BCO1: variants seen among roughly 807,000 people sequenced by gnomAD.
The protein encoded by BCO1 is beta-carotene oxygenase 1.
In BCO1, 54 loss-of-function variants were observed where a neutral mutation model predicts 56.3. The ratio of observed to expected loss-of-function variants is 0.96; its 90% CI spans 0.77 to 1.20. The LOEUF (loss-of-function observed/expected upper bound fraction) is 1.20. Ranked by LOEUF, BCO1 falls within the 50% of genes most tolerant of loss-of-function variation. The pLI is 0.00. For missense variants in BCO1, 801 were observed against 690.9 expected, an observed-to-expected ratio of 1.16 and a Z score of -1.79; for synonymous variants, 318 against 266.1, an observed-to-expected ratio of 1.20 and a Z score of -1.90.
intron 1 of BCO1, 48 bp downstream of exon 1, chr16:81,239,020 ATT>A (rs11339898): frequency 0.023 from 29,322 of 1,296,532 alleles, 610 homozygotes; most frequent in African/African-American, 0.15. Context: ...TTATTTTATT[ATT>A]TTTTTTTTTT....
In BCO1 at chr16:81,264,551, C is replaced by G. The variant is rs1367496909; in HGVS notation, c.472-89C>G. 3 of 1,499,662 alleles carry G rather than the reference C, an allele frequency of 2.0e-6. No homozygotes were observed. The East Asian group carries it at 6.8e-5, about 34-fold the overall frequency. The allele number at this position is 1,499,662 out of a possible 1,614,324, so 92.9% of individuals were successfully genotyped here. On this transcript the variant is annotated intron_variant, in intron 4 of 10. Transcript: ENST00000258168. ...AGTCACGTTTTCATAGGACTTCAAC[C>G]TTTCTCCTTTGAAAAACCAGATGAT...
chr16:81,256,170 C>G (rs1167400631), intron 2 of BCO1, among the ~76,000 whole-genome samples: 1 of 151,542 alleles, frequency 6.6e-6, no homozygotes, highest in African/African-American at 2.4e-5. Flanking sequence ...CTACTTGCTT[C>G]CAGTGTTGTG....
Position 81,238,819 on chromosome 16 carries a change from G to C in BCO1, c.-90G>C, listed in dbSNP as rs543254454. The C allele has an allele frequency of 1.1e-4, 119 of 1,123,714 alleles. No individual in the cohort carries two copies. The highest frequency in any genetic ancestry group is 1.6e-5 in the Non-Finnish European group (12 of 735,142). The allele number at this position is 1,123,714 out of a possible 1,614,324, so 69.6% of individuals were successfully genotyped here. ...GAGGGAAGGAGCAGGAGAGCAGGAAGGAAACGCAGGAGGAGGGAGCAGCAT... is the reference window on the plus strand; with the variant it reads ...GAGGGAAGGAGCAGGAGAGCAGGAACGAAACGCAGGAGGAGGGAGCAGCAT... On this transcript the variant is annotated 5_prime_UTR_variant, in exon 1 of 11. Transcript: ENST00000258168.
intron 1 of BCO1, among the ~76,000 whole-genome samples, chr16:81,243,049 T>C (rs1349946114): frequency 2.0e-5 from 3 of 151,834 alleles, no homozygotes; most frequent in Admixed American, 1.3e-4. Flanking sequence ...GGCAAATCCA[T>C]AGGAAAGAAG....
chr16:81,242,856 A>T (rs2151924387), intron 1 of BCO1, among the ~76,000 whole-genome samples: 1 of 152,176 alleles, frequency 6.6e-6, no homozygotes, highest in East Asian at 1.9e-4. Flanking sequence ...TTCTCATATG[A>T]GTGCAAACCC....
chr16:81,287,576 A>G (rs1203278771), intron 10 of BCO1, among the ~76,000 whole-genome samples, 170 bp downstream of exon 10: 1 of 152,084 alleles, frequency 6.6e-6, no homozygotes, highest in Non-Finnish European at 1.5e-5. Flanking sequence ...AGTCCCCAAG[A>G]CCACCTTTAC....
At chr16:81,270,827 C>G (rs542206891) in intron 7 of BCO1, among the ~76,000 whole-genome samples, 18 of 152,074 alleles carry the variant, frequency 1.2e-4, no homozygotes, top group African/African-American at 4.1e-4. Context: ...TCGCTGCAAG[C>G]TCCACCTCCC....
chr16:81,283,140 G>C (rs1030357086), intron 8 of BCO1, among the ~76,000 whole-genome samples: 1 of 152,084 alleles, frequency 6.6e-6, no homozygotes, highest in Non-Finnish European at 1.5e-5. Context: ...AGAATGTTCC[G>C]AAGCTGCCTC....
chr16:81,262,178 C>A lies in BCO1; in HGVS notation c.366C>A (p.Asp122Glu). 6.2e-7 allele frequency: 1 copy of A among 1,613,982 alleles called. No homozygotes were observed. ...CTCACACCATCCCCGATTTCACCGA[C>A]AACTGCCTGATCAACATCATGAAGT... ...YLSHTIPDFTDNCLINIMKCG... is the reference protein window; with the variant it reads ...YLSHTIPDFTENCLINIMKCG... Residue 122 changes from aspartate to glutamate, a missense_variant, in exon 4 of 11, where the codon GAC (aspartate) becomes GAA (glutamate). Coordinates refer to ENST00000258168, the MANE Select transcript of BCO1 (RefSeq NM_017429.3).
Position 81,245,548 on chromosome 16 carries a change from A to T in BCO1, c.138A>T (p.Arg46Ser). The change falls in exon 2 of 11, where the codon AGA becomes AGT. Residue 46 changes from arginine (R) to serine (S), a missense_variant. Coordinates refer to ENST00000258168, the MANE Select transcript of BCO1 (RefSeq NM_017429.3). ...GGATGCACACAGTTGGGGAGTCCAG[A>T]TACAACCATTGGTTCGACGGCCTTG... ...GPGMHTVGES[R>S]YNHWFDGLAL... The T allele has an allele frequency of 1.2e-6, 2 of 1,613,800 alleles. No individual in the cohort carries two copies. Among genetic ancestry groups the T allele is most frequent in the Non-Finnish European group, 1.7e-6 (2 of 1,179,702 alleles).
At chr16:81,239,855 A>G (rs1905036590) in intron 1 of BCO1, among the ~76,000 whole-genome samples, 1 of 152,044 alleles carries the variant, frequency 6.6e-6, no homozygotes. Context: ...TTTCGACTCT[A>G]AAGGGCAGTT....
rs763950117 is a variant in BCO1 at position 81,287,405 on chromosome 16, C to T, written c.1413C>T (p.Asp471=). The change falls in exon 10 of 11, where the codon GAC becomes GAT. Residue 471 remains aspartate (D), a splice_region_variant and synonymous_variant. Coordinates refer to ENST00000258168, the MANE Select transcript of BCO1 (RefSeq NM_017429.3). Reference sequence around the variant, plus strand: ...CGCCAGGTGCCAAGGATGAGGATGACGGTAAGACTCTAAGAAGCCACGCCT... The same window carrying T: ...CGCCAGGTGCCAAGGATGAGGATGATGGTAAGACTCTAAGAAGCCACGCCT... ...VPAPGAKDED[D]GVILSAIVST... 64 of 1,612,522 alleles carry T rather than the reference C, an allele frequency of 4.0e-5. 1 individual carries two copies. The Middle Eastern group carries it at 8.6e-4, about 22-fold the overall frequency.
intron 2 of BCO1, among the ~76,000 whole-genome samples, chr16:81,248,987 G>A (rs1219366112): frequency 6.6e-6 from 1 of 152,116 alleles, no homozygotes; most frequent in Non-Finnish European, 1.5e-5. Flanking sequence ...ACTCCAGCCT[G>A]GGTGACACAG....
chr16:81,274,704 C>G (rs570154264), intron 7 of BCO1, among the ~76,000 whole-genome samples: 2 of 152,102 alleles, frequency 1.3e-5, no homozygotes, highest in African/African-American at 4.8e-5. Context: ...AAGGTGAAAC[C>G]CTGTCTCTGC....
chr16:81,270,472 G>A (rs1045494402), intron 7 of BCO1, 56 bp downstream of exon 7: 5 of 1,607,646 alleles, frequency 3.1e-6, no homozygotes, highest in Non-Finnish European at 4.2e-6. Flanking sequence ...GCCCAGGTGG[G>A]AAGTTACTTT....
rs757126873 is a variant in BCO1 at position 81,238,874 on chromosome 16, G to C, written c.-35G>C. Reference sequence around the variant, plus strand: ...TGTGAACACAGAGGAGCACCTGTTTGCTGTTAAAATCGATCTCCCTCGGCA... The same window carrying C: ...TGTGAACACAGAGGAGCACCTGTTTCCTGTTAAAATCGATCTCCCTCGGCA... On this transcript the variant is annotated 5_prime_UTR_variant, in exon 1 of 11. Coordinates refer to ENST00000258168, the MANE Select transcript of BCO1 (RefSeq NM_017429.3). 2.5e-6 allele frequency: 4 copies of C among 1,593,562 alleles called. No individual in the cohort carries two copies. In the South Asian group the frequency reaches 3.3e-5, roughly 13 times the overall value.
intron 7 of BCO1, among the ~76,000 whole-genome samples, chr16:81,276,000 C>CCGAGGTT (rs1907534188): frequency 6.6e-6 from 1 of 152,336 alleles, no homozygotes; most frequent in South Asian, 2.1e-4. Context: ...TGTGTGAGGC[C>CCGAGGTT]CGAGGTTCGT....
intron 1 of BCO1, among the ~76,000 whole-genome samples, chr16:81,242,780 G>A (rs749357214): frequency 3.9e-5 from 6 of 152,110 alleles, no homozygotes; most frequent in Non-Finnish European, 7.3e-5. Context: ...TCTGTAGCCT[G>A]TTAGGAACCG....
At chr16:81,241,653 C>T (rs1285968090) in intron 1 of BCO1, among the ~76,000 whole-genome samples, 1 of 152,186 alleles carries the variant, frequency 6.6e-6, no homozygotes, top group Non-Finnish European at 1.5e-5. Flanking sequence ...CATTCCTCTA[C>T]ATCAAGCCTC....
Sources: gnomAD v4.1 joint callset for allele counts (sites outside exome capture counted in the v4.1 genomes callset) on GRCh38, gnomAD v4.1.1 for gene constraint, MANE v1.5 for transcripts, NCBI Gene and HGNC (gene_info 2026-07-23, HGNC 2026-07-21) for gene names.